The following DNAH11 variants were observed in gnomAD, a reference collection of about 807,000 sequenced individuals.
DNAH11 encodes dynein axonemal heavy chain 11.
A neutral mutation model predicts 526.0 loss-of-function variants in DNAH11; 442 were observed. The ratio of observed to expected loss-of-function variants is 0.84; its 90% confidence interval spans 0.78 to 0.91. The LOEUF (loss-of-function observed/expected upper bound fraction) is 0.91, where lower values mean the gene tolerates loss of function less well. Ranked by LOEUF, DNAH11 falls within the 40% of genes least tolerant of loss-of-function variation. The probability of loss-of-function intolerance (pLI) is 0.00; values close to 1 mark genes in which losing one functional copy is unlikely to be tolerated. For missense variants in DNAH11, 6,989 were observed against 5,448.7 expected (o/e 1.28, Z -8.90); for synonymous variants, 2,461 against 1,935.9 (o/e 1.27, Z -7.12).
rs187446468 is a variant in DNAH11, at chr7:21,848,986, A to G, written c.10897-3481A>G. ...CTGCAACCTCTGCCTCCTTGGTTCAAACAATTCTCCTGCCTCAGCCTCCCG... is the reference window on the plus strand; with the variant it reads ...CTGCAACCTCTGCCTCCTTGGTTCAGACAATTCTCCTGCCTCAGCCTCCCG... On this transcript the variant is annotated intron_variant, in intron 66 of 81. Transcript: ENST00000409508. Among the ~76,000 whole-genome samples the G allele has an allele frequency of 6.6e-5, 10 of 152,292 alleles. No individual in the cohort carries two copies. In the East Asian group the frequency reaches 1.9e-3, roughly 29 times the overall value.
chr7:21,891,330 T>C (rs1240672238), intron 76 of DNAH11, among the ~76,000 whole-genome samples: 3 of 152,180 alleles, frequency 2.0e-5, no homozygotes, highest in Non-Finnish European at 4.4e-5. Context: ...CATTCGATGA[T>C]AGTTTAAAAA....
intron 2 of DNAH11, among the ~76,000 whole-genome samples, chr7:21,557,760 CCAGAGG>C (rs1447919787): frequency 6.6e-6 from 1 of 152,116 alleles, no homozygotes; most frequent in East Asian, 1.9e-4. Flanking sequence ...CCATTCTCTC[CCAGAGG>C]CAGATATTTC....
intron 8 of DNAH11, among the ~76,000 whole-genome samples, chr7:21,578,160 A>T (rs985601739): frequency 1.3e-5 from 2 of 152,210 alleles, no homozygotes; most frequent in African/African-American, 2.4e-5. Context: ...ACTCACTGTC[A>T]TGAGAACAAC....
chr7:21,571,178 G>A (rs1783873217), intron 7 of DNAH11, among the ~76,000 whole-genome samples: 1 of 152,154 alleles, frequency 6.6e-6, no homozygotes, highest in East Asian at 1.9e-4. Context: ...AGGAGTTTTG[G>A]ATATTACCTG....
intron 42 of DNAH11, among the ~76,000 whole-genome samples, chr7:21,713,973 CTG>C (rs1583619574): frequency 6.6e-6 from 1 of 152,196 alleles, no homozygotes; most frequent in African/African-American, 2.4e-5. Context: ...CTGACTCCCT[CTG>C]TACAGAGAAC....
chr7:21,543,728 T>A lies in DNAH11; in HGVS notation c.351+132T>A. The A allele has an allele frequency of 3.2e-6, 3 of 943,508 alleles. No individual in the cohort carries two copies. The South Asian group carries it at 5.1e-5, about 16-fold the overall frequency. The allele number at this position is 943,508 out of a possible 1,614,324, so 58.4% of individuals were successfully genotyped here. ...TAACAAACTTGGCTTGAAGTCCCCA[T>A]CCTGAGGCCCGCAGGACTCCTCCCC... On this transcript the variant is annotated intron_variant, in intron 1 of 81. Coordinates refer to ENST00000409508, the MANE Select transcript of DNAH11 (RefSeq NM_001277115.2).
At chr7:21,894,838 G>A in intron 78 of DNAH11, 33 bp downstream of exon 78, 1 of 1,611,860 alleles carries the variant, frequency 6.2e-7, no homozygotes, top group Non-Finnish European at 8.5e-7. Context: ...GTAGACTTCA[G>A]CACATTGGAA....
intron 25 of DNAH11, among the ~76,000 whole-genome samples, chr7:21,621,344 A>G (rs1400102831): frequency 1.3e-5 from 2 of 152,106 alleles, no homozygotes; most frequent in Non-Finnish European, 2.9e-5. Flanking sequence ...CTTACCAACC[A>G]AAAAGAGTCC....
At chr7:21,737,908 G>A (rs1254702709) in intron 46 of DNAH11, among the ~76,000 whole-genome samples, 1 of 152,134 alleles carries the variant, frequency 6.6e-6, no homozygotes, top group Non-Finnish European at 1.5e-5. Flanking sequence ...GGAAATGTGG[G>A]TCTGCTTCTT....
chr7:21,876,963 A>G (rs1783739215), intron 74 of DNAH11, among the ~76,000 whole-genome samples: 1 of 152,258 alleles, frequency 6.6e-6, no homozygotes, highest in African/African-American at 2.4e-5. Context: ...GAAGGCAATC[A>G]GCAGTCTCCA....
rs751450953 is a variant in DNAH11 at position 21,636,073 on chromosome 7, A to T, written c.4703A>T (p.Asp1568Val). 3.7e-6 allele frequency: 6 copies of T among 1,612,338 alleles called. No individual in the cohort carries two copies. The Admixed American group carries it at 6.7e-5, about 18-fold the overall frequency. ...IQLVKDARRFDGVDAEFKELM... is the reference protein window; with the variant it reads ...IQLVKDARRFVGVDAEFKELM... ...CTTGTGAAAGATGCTAGAAGATTTG[A>T]TGGGGTGGATGCTGAATTTAAGGTT... Residue 1568 changes from aspartate to valine, a missense_variant, in exon 26 of 82, where the codon GAT becomes GTT. Physicochemically the swap from Asp to Val is radical, Grantham distance 152. Coordinates refer to ENST00000409508, the MANE Select transcript of DNAH11 (RefSeq NM_001277115.2).
chr7:21,822,762 C>T (rs569202056), intron 65 of DNAH11, among the ~76,000 whole-genome samples: 65 of 152,108 alleles, frequency 4.3e-4, no homozygotes, highest in African/African-American at 1.5e-3. Flanking sequence ...CCCTTTCTCA[C>T]ATTTGTTATT....
intron 30 of DNAH11, among the ~76,000 whole-genome samples, chr7:21,678,273 C>T (rs540694618): frequency 1.7e-4 from 25 of 151,372 alleles, no homozygotes; most frequent in South Asian, 2.1e-4. Flanking sequence ...GGTCCAATTT[C>T]GTTCTTTTGC....
chr7:21,870,048 C>G (rs1333698501), intron 73 of DNAH11, among the ~76,000 whole-genome samples: 1 of 152,172 alleles, frequency 6.6e-6, no homozygotes, highest in East Asian at 1.9e-4. Flanking sequence ...TCACAGGCTG[C>G]CTTATCTGGA....
At chr7:21,620,373 A>G (rs1483530738) in intron 25 of DNAH11, among the ~76,000 whole-genome samples, 1 of 152,034 alleles carries the variant, frequency 6.6e-6, no homozygotes, top group Non-Finnish European at 1.5e-5. Context: ...TTTGATCAAC[A>G]GCTCCTCTTG....
chr7:21,665,944 A>G (rs1782405581), intron 30 of DNAH11, among the ~76,000 whole-genome samples: 3 of 152,110 alleles, frequency 2.0e-5, no homozygotes, highest in Admixed American at 1.3e-4. Flanking sequence ...CTTCCTTTCA[A>G]AATGGATGTA....
intron 70 of DNAH11, among the ~76,000 whole-genome samples, chr7:21,865,847 T>C (rs930414900): frequency 1.8e-4 from 27 of 152,210 alleles, no homozygotes; most frequent in African/African-American, 5.1e-4. Flanking sequence ...CTTGTTGATA[T>C]GCTAAACAAG....
At chr7:21,781,492 A>G (rs1186136957) in intron 57 of DNAH11, among the ~76,000 whole-genome samples, 2 of 152,190 alleles carry the variant, frequency 1.3e-5, no homozygotes, top group Non-Finnish European at 1.5e-5. Context: ...AAATGCTGAG[A>G]ATTCTCTCAT....
chr7:21,608,842 G>GGT (rs10636710), intron 20 of DNAH11, among the ~76,000 whole-genome samples: 1 of 152,218 alleles, frequency 6.6e-6, no homozygotes, highest in South Asian at 2.1e-4. Flanking sequence ...GTCAGAGACT[G>GGT]TACGCTTATA....
Sources: allele counts gnomAD v4.1 joint callset (sites outside exome capture counted in the v4.1 genomes callset), GRCh38; gene constraint gnomAD v4.1.1; transcripts MANE v1.5; gene names NCBI Gene and HGNC (gene_info 2026-07-23, HGNC 2026-07-21).